SLC35F4: variants seen among roughly 807,000 people sequenced by gnomAD.
SLC35F4 encodes chromosome 14 open reading frame 36.
Under a neutral mutation model 44.2 loss-of-function variants are expected in SLC35F4, and 24 were observed. That is an observed-to-expected ratio of 0.54 (90% CI 0.39 to 0.76). The LOEUF (loss-of-function observed/expected upper bound fraction) is 0.76, where lower values mean the gene tolerates loss of function less well. Among genes scored for constraint, SLC35F4 ranks in the 30% least tolerant of loss-of-function variants. SLC35F4 has a pLI of 0.00. For missense variants in SLC35F4, 562 were observed against 586.1 expected, an observed-to-expected ratio of 0.96 and a Z score of 0.42; for synonymous variants, 238 against 223.6, an observed-to-expected ratio of 1.06 and a Z score of -0.57.
In SLC35F4 at chr14:57,944,987, G is replaced by C. The variant is rs59183207; in HGVS notation, n.282+36926C>G. Among the ~76,000 whole-genome samples the C allele has an allele frequency of 0.02, 3,089 of 152,110 alleles. 338 individuals are homozygous for C. In the East Asian group the frequency reaches 0.35, roughly 17 times the overall value. ...GCCTGCCCAACCTTGGGCTGGTGTC[G>C]CTCTTGTTATTGACAAAGATAAGTA... On this transcript the variant is annotated intron_variant and non_coding_transcript_variant, in intron 1 of 1. Transcript: ENST00000556568.
At chr14:57,867,038 G>A (rs1210894825), upstream of SLC35F4, among the ~76,000 whole-genome samples, 2 of 150,586 alleles carry the variant, frequency 1.3e-5, no homozygotes, top group African/African-American at 2.4e-5. Flanking sequence ...AAAGGTGGAG[G>A]TGGAGGGTTA....
chr14:57,671,551 AG>A (rs1477369561), intron 1 of SLC35F4, among the ~76,000 whole-genome samples: 1 of 152,062 alleles, frequency 6.6e-6, no homozygotes, highest in Non-Finnish European at 1.5e-5. Flanking sequence ...CTAACTGAAG[AG>A]CCCTTGGGCC....
Position 57,589,268 on chromosome 14 carries a change from A to C in SLC35F4, c.535T>G (p.Ser179Ala). Residue 179 changes from serine (S) to alanine (A), a missense_variant, in exon 3 of 8, where the codon TCT (serine) becomes GCT (alanine). Ser to Ala is a moderately conservative substitution (Grantham distance 99). Transcript: ENST00000556826. ...TCTTGAGCAGTGGCTAGATGACCAG[A>C]ATAATAGACTGGGAAAAACATAATG... ...WNIMFFPVYY[S>A]GHLATAQEKQ... The C allele has an allele frequency of 6.2e-7, 1 of 1,613,932 alleles. No individual in the cohort carries two copies. Among genetic ancestry groups the C allele is most frequent in the Non-Finnish European group, 8.5e-7 (1 of 1,179,880 alleles).
At chr14:57,838,730 A>G (rs141093493) in intron 1 of SLC35F4, among the ~76,000 whole-genome samples, 1 of 152,332 alleles carries the variant, frequency 6.6e-6, no homozygotes, top group East Asian at 1.9e-4. Context: ...AAATGCAACT[A>G]TAAGAACTTT....
At chr14:57,937,960 A>G (rs1889844830) in intron 1 of SLC35F4, among the ~76,000 whole-genome samples, 1 of 152,096 alleles carries the variant, frequency 6.6e-6, no homozygotes, top group African/African-American at 2.4e-5. Context: ...TTCTCATGAG[A>G]ATTCGCGCCT....
intron 1 of SLC35F4, among the ~76,000 whole-genome samples, chr14:57,865,194 C>G (rs1888032915): frequency 6.6e-6 from 1 of 152,106 alleles, no homozygotes; most frequent in African/African-American, 2.4e-5. Context: ...GTAACTCCCG[C>G]GCTGGCAGCG....
rs559278283 is a variant in SLC35F4 at position 57,955,678 on chromosome 14, C to T, written n.282+26235G>A. ...AACAGAGAGCCAAATCATGAGTGAA[C>T]TCCCATTCACAATTGCTACAAAGAG... On this transcript the variant is annotated intron_variant and non_coding_transcript_variant, in intron 1 of 1. Coordinates refer to the SLC35F4 transcript ENST00000556568. Among the ~76,000 whole-genome samples, 33 of 152,234 alleles carry T rather than the reference C, an allele frequency of 2.2e-4. No homozygotes were observed. The East Asian group carries it at 6.0e-3, about 28-fold the overall frequency.
At chr14:57,722,620 T>C (rs572756062) in intron 1 of SLC35F4, among the ~76,000 whole-genome samples, 1 of 152,232 alleles carries the variant, frequency 6.6e-6, no homozygotes, top group South Asian at 2.1e-4. Flanking sequence ...CACTCAACCG[T>C]CAAAGGCAAG....
intron 1 of SLC35F4, among the ~76,000 whole-genome samples, chr14:57,773,875 T>G (rs1488350653): frequency 6.6e-6 from 1 of 152,154 alleles, no homozygotes. Flanking sequence ...CAGGAGCCCA[T>G]GTATTAAATT....
At chr14:57,649,751 T>G (rs534998591) in intron 1 of SLC35F4, among the ~76,000 whole-genome samples, 1 of 152,114 alleles carries the variant, frequency 6.6e-6, no homozygotes, top group African/African-American at 2.4e-5. Flanking sequence ...GCGAAATGAA[T>G]GAATATACCT....
intron 1 of SLC35F4, among the ~76,000 whole-genome samples, chr14:57,966,839 G>A (rs12589145): frequency 0.055 from 8,384 of 151,994 alleles, 268 homozygotes; most frequent in South Asian, 0.097. Context: ...GCGAAACCCC[G>A]TCTCTACTAA....
chr14:57,820,475 A>G (rs937522674), intron 1 of SLC35F4, among the ~76,000 whole-genome samples: 2 of 152,228 alleles, frequency 1.3e-5, no homozygotes, highest in Non-Finnish European at 2.9e-5. Flanking sequence ...ATAACGTATA[A>G]GCCAATGCAA....
At chr14:57,654,940 C>T (rs191605607) in intron 1 of SLC35F4, among the ~76,000 whole-genome samples, 15 of 152,202 alleles carry the variant, frequency 9.9e-5, no homozygotes, top group Admixed American at 3.9e-4. Context: ...TGACGAAGCC[C>T]GCATGCCTCC....
At chr14:57,662,302 A>G (rs1435021567) in intron 1 of SLC35F4, among the ~76,000 whole-genome samples, 1 of 152,182 alleles carries the variant, frequency 6.6e-6, no homozygotes, top group African/African-American at 2.4e-5. Flanking sequence ...CTGTGATTAG[A>G]GCATGCCGTG....
intron 1 of SLC35F4, among the ~76,000 whole-genome samples, chr14:57,871,301 TC>T (rs1340974423): frequency 6.6e-6 from 1 of 152,108 alleles, no homozygotes; most frequent in African/African-American, 2.4e-5. Flanking sequence ...GCCAAAGATC[TC>T]CCCTGACTGC....
At chr14:57,887,213 T>C (rs948799047) in intron 1 of SLC35F4, among the ~76,000 whole-genome samples, 4 of 152,154 alleles carry the variant, frequency 2.6e-5, no homozygotes, top group African/African-American at 9.7e-5. Context: ...CGGGTAGTGC[T>C]AAGAGAGATG....
chr14:57,571,320 C>A (rs268805), intron 5 of SLC35F4, among the ~76,000 whole-genome samples: 76,353 of 151,976 alleles, frequency 0.5, 19,279 homozygotes, highest in Admixed American at 0.55. Context: ...TGGTGGGTAC[C>A]TACAGCAGAC....
At chr14:57,628,400 C>G (rs942994532) in intron 1 of SLC35F4, among the ~76,000 whole-genome samples, 1 of 140,056 alleles carries the variant, frequency 7.1e-6, no homozygotes, top group African/African-American at 2.7e-5. Context: ...CTGCACCCAT[C>G]AACCCGTCAT....
At position 57,564,367 on chromosome 14, in the gene SLC35F4, A is replaced by AAAGCAG. The variant is rs779872946; in HGVS notation, c.1225_1226insCTGCTT (p.Leu409delinsProAlaPhe). 6.2e-7 allele frequency: 1 copy of AAAGCAG among 1,605,332 alleles called. No individual in the cohort carries two copies. Among genetic ancestry groups the AAAGCAG allele is most frequent in the Non-Finnish European group, 8.5e-7 (1 of 1,175,560 alleles). On this transcript the variant is annotated protein_altering_variant, in exon 8 of 8. Transcript: ENST00000556826. ...ATTGAATATCACCTCCTGCTTTAGGAGATCCACAGCTAGGAAAGAAAAATC... is the reference window on the plus strand; with the variant it reads ...ATTGAATATCACCTCCTGCTTTAGGAAAGCAGGATCCACAGCTAGGAAAGAAAAATC...
Sources: allele counts gnomAD v4.1 joint callset (sites outside exome capture counted in the v4.1 genomes callset), GRCh38; gene constraint gnomAD v4.1.1; transcripts MANE v1.5; gene names NCBI Gene and HGNC (gene_info 2026-07-23, HGNC 2026-07-21).